The following SHANK2 variants were observed in gnomAD, a reference collection of about 807,000 sequenced individuals.
The protein encoded by SHANK2 is SH3 and multiple ankyrin repeat domains protein 2.
SHANK2 carries 43 observed loss-of-function variants against 133.7 expected under a neutral mutation model. That is an observed-to-expected ratio of 0.32 (90% CI 0.25 to 0.41). The LOEUF is 0.41. SHANK2 is among the 10% of genes least tolerant of loss of function. The pLI is 1.00. For missense variants in SHANK2, 1,994 were observed against 2,235.8 expected, an observed-to-expected ratio of 0.89 and a Z score of 2.18; for synonymous variants, 1,017 against 952.8, an observed-to-expected ratio of 1.07 and a Z score of -1.24.
chr11:70,480,702 C>T (rs731415), intron 25 of SHANK2, among the ~76,000 whole-genome samples: 36,770 of 152,176 alleles, frequency 0.24, 5,024 homozygotes, highest in Admixed American at 0.31. Context: ...GGAATTGCTG[C>T]CCCATTCTGA....
intron 15 of SHANK2, among the ~76,000 whole-genome samples, chr11:70,694,968 T>C (rs952256086): frequency 6.6e-6 from 1 of 152,188 alleles, no homozygotes; most frequent in Non-Finnish European, 1.5e-5. Context: ...AGGCCAGTTC[T>C]GCTGGTCCTG....
intron 17 of SHANK2, among the ~76,000 whole-genome samples, chr11:70,595,034 A>G (rs2136288487): frequency 6.6e-6 from 1 of 152,282 alleles, no homozygotes; most frequent in African/African-American, 2.4e-5. Flanking sequence ...CAGGCTTCAC[A>G]TCTGGGTGGG....
chr11:71,094,807 GT>G, intron 6 of SHANK2, 119 bp from the exon 7 acceptor site: 1 of 1,130,030 alleles, frequency 8.8e-7, no homozygotes, highest in Non-Finnish European at 1.2e-6. Context: ...CCTCCAGGGT[GT>G]TTACAGCTCC....
chr11:70,839,312 C>T (rs1948868344), intron 11 of SHANK2, among the ~76,000 whole-genome samples: 1 of 152,202 alleles, frequency 6.6e-6, no homozygotes, highest in African/African-American at 2.4e-5. Flanking sequence ...GGTAACTCAG[C>T]CTAGAAAGCC....
intron 14 of SHANK2, among the ~76,000 whole-genome samples, chr11:70,729,221 A>G (rs1462050499): frequency 6.6e-6 from 1 of 151,570 alleles, no homozygotes; most frequent in Admixed American, 6.6e-5. Context: ...AAAAAAAAAG[A>G]AGAAAGAAAG....
At position 70,892,054 on chromosome 11, in the gene SHANK2, A is replaced by G. The variant is rs571252351; in HGVS notation, c.1174+4447T>C. Among the ~76,000 whole-genome samples the G allele has an allele frequency of 1.4e-4, 22 of 152,302 alleles. No homozygotes were observed. In the East Asian group the frequency reaches 4.1e-3, roughly 28 times the overall value. On this transcript the variant is annotated intron_variant, in intron 11 of 25. Transcript: ENST00000601538. Reference sequence around the variant, plus strand: ...GAAAGCTCAGAAGATGAGCACCTCAAGCCACCCTCGTGAGAGACCACTGTG... The same window carrying G: ...GAAAGCTCAGAAGATGAGCACCTCAGGCCACCCTCGTGAGAGACCACTGTG...
At chr11:70,666,451 G>T (rs1166812890) in intron 15 of SHANK2, among the ~76,000 whole-genome samples, 1 of 152,146 alleles carries the variant, frequency 6.6e-6, no homozygotes, top group South Asian at 2.1e-4. Context: ...ACCCTCAGAG[G>T]CTCCTTCTGC....
intron 15 of SHANK2, among the ~76,000 whole-genome samples, chr11:70,667,194 C>T (rs1474787585): frequency 6.6e-6 from 1 of 152,180 alleles, no homozygotes; most frequent in Non-Finnish European, 1.5e-5. Context: ...CTGCCCTGGC[C>T]ATGCTGCCAT....
intron 12 of SHANK2, among the ~76,000 whole-genome samples, chr11:70,813,609 G>A (rs1329990654): frequency 6.6e-6 from 1 of 152,106 alleles, no homozygotes; most frequent in African/African-American, 2.4e-5. Flanking sequence ...GAAGATGGCA[G>A]TAGGGGAATA....
chr11:70,564,158 G>C (rs2059940375), intron 17 of SHANK2, among the ~76,000 whole-genome samples: 1 of 152,008 alleles, frequency 6.6e-6, no homozygotes, highest in Non-Finnish European at 1.5e-5. Flanking sequence ...CATGTGTCTT[G>C]TGCTTGGAGT....
At chr11:70,752,730 C>T (rs1555037682) in intron 14 of SHANK2, among the ~76,000 whole-genome samples, 1 of 146,560 alleles carries the variant, frequency 6.8e-6, no homozygotes, top group South Asian at 2.2e-4. Flanking sequence ...AATCAATTCA[C>T]CAAGAAGACA....
intron 14 of SHANK2, among the ~76,000 whole-genome samples, chr11:70,706,954 C>A (rs529532867): frequency 2.6e-5 from 4 of 152,194 alleles, no homozygotes; most frequent in Admixed American, 6.5e-5. Flanking sequence ...TCTGATCCTG[C>A]GCTCTGACTG....
intron 11 of SHANK2, among the ~76,000 whole-genome samples, chr11:70,858,501 C>G (rs1399742252): frequency 1.3e-5 from 2 of 152,236 alleles, no homozygotes. Flanking sequence ...AGATTCCAAC[C>G]TGACCATGGC....
In SHANK2 at chr11:70,472,590, C is replaced by T. The variant is rs1422557088; in HGVS notation, c.*279G>A. On this transcript the variant is annotated 3_prime_UTR_variant, in exon 26 of 26. Coordinates refer to ENST00000601538, the MANE Select transcript of SHANK2 (RefSeq NM_012309.5). This position sits in a 1 kb window ranked among gnomAD's most constrained non-coding sequence, Gnocchi z 4.4. The stretch of plus-strand genomic sequence containing the variant: ...GGACCCGGCAAAGCGAGGCCACCTG[C>T]ATGCTGGGCGGCAGGCTGAGAATCT... The T allele has an allele frequency of 6.1e-6, 3 of 490,218 alleles. No individual in the cohort carries two copies. The highest frequency in any genetic ancestry group is 5.7e-4 in the Middle Eastern group (1 of 1,740). 30.4% of individuals were successfully genotyped at this position (490,218 alleles called of 1,614,324 possible).
intron 16 of SHANK2, among the ~76,000 whole-genome samples, chr11:70,660,316 T>A (rs1555012915): frequency 1.3e-5 from 2 of 152,224 alleles, no homozygotes; most frequent in Non-Finnish European, 2.9e-5. Context: ...CACACAGAGC[T>A]ACAGAAACAC....
chr11:70,558,800 C>G (rs1304857772), intron 17 of SHANK2, among the ~76,000 whole-genome samples: 1 of 152,150 alleles, frequency 6.6e-6, no homozygotes, highest in Non-Finnish European at 1.5e-5. Flanking sequence ...GATGAGGCAG[C>G]TACAGGAGAG....
chr11:70,922,601 C>A (rs1555080898), intron 10 of SHANK2, among the ~76,000 whole-genome samples: 1 of 152,066 alleles, frequency 6.6e-6, no homozygotes, highest in African/African-American at 2.4e-5. Flanking sequence ...GATCTAGAAC[C>A]TGTACCTCAC....
In SHANK2 at chr11:70,471,988, T is replaced by C. The variant is rs934843031; in HGVS notation, c.*881A>G. ...AGAAGCCCTTATTCTCCATCCTGGA[T>C]GGGTGCTCATGGCAGACAACTGCTC... On this transcript the variant is annotated 3_prime_UTR_variant, in exon 26 of 26. Transcript: ENST00000601538. The surrounding 1 kb of genome is among the most constrained non-coding windows in gnomAD (Gnocchi z 4.1). 14 of 152,584 alleles carry C rather than the reference T, an allele frequency of 9.2e-5. No individual in the cohort carries two copies. The highest frequency in any genetic ancestry group is 3.1e-4 in the African/African-American group (13 of 41,472). The allele number at this position is 152,584 out of a possible 1,614,324, so 9.5% of individuals were successfully genotyped here.
chr11:70,856,282 G>C (rs188633554), intron 11 of SHANK2, among the ~76,000 whole-genome samples: 247 of 152,026 alleles, frequency 1.6e-3, no homozygotes, highest in African/African-American at 5.5e-3. Flanking sequence ...AAGTGGGCAA[G>C]TGAATGCACA....
Sources: allele counts gnomAD v4.1 joint callset (sites outside exome capture counted in the v4.1 genomes callset), GRCh38; gene constraint gnomAD v4.1.1; non-coding constraint Gnocchi (gnomAD v3.1); transcripts MANE v1.5; gene names NCBI Gene and HGNC (gene_info 2026-07-23, HGNC 2026-07-21).